Variants in CAST observed in about 807,000 individuals in gnomAD.
CAST encodes MIR583 host.
In CAST, 76 loss-of-function variants were observed where a neutral mutation model predicts 119.6. That is an observed-to-expected ratio of 0.64 (90% CI 0.53 to 0.77). CAST has a LOEUF of 0.77. Ranked by LOEUF, CAST falls within the 30% of genes least tolerant of loss-of-function variation. CAST has a pLI of 0.00. For synonymous variants in CAST, 319 were observed against 331.6 expected, an observed-to-expected ratio of 0.96 and a Z score of 0.41; for missense variants, 953 against 946.5, an observed-to-expected ratio of 1.01 and a Z score of -0.09.
chr5:96,290,065 C>A, the CAST span, among the ~76,000 whole-genome samples: 1 of 152,036 alleles, frequency 6.6e-6, no homozygotes, highest in Non-Finnish European at 1.5e-5. Context: ...TAATTTTTAT[C>A]AGAATACTTG....
chr5:96,487,668 T>C, the CAST span, among the ~76,000 whole-genome samples: 1 of 152,270 alleles, frequency 6.6e-6, no homozygotes, highest in East Asian at 1.9e-4. Context: ...GGCCTCTCCT[T>C]GTGACATTTC....
chr5:96,365,899 G>T, the CAST span, among the ~76,000 whole-genome samples: 1 of 152,184 alleles, frequency 6.6e-6, no homozygotes, highest in African/African-American at 2.4e-5. Flanking sequence ...TTGCTCATTA[G>T]TTGATGCAGT....
At chr5:96,369,787 G>A in the CAST span, among the ~76,000 whole-genome samples, 224 of 151,982 alleles carry the variant, frequency 1.5e-3, 3 homozygotes, top group African/African-American at 4.7e-3. Flanking sequence ...TCTTTATTCC[G>A]TTTTATTTTC....
chr5:96,332,726 A>G, the CAST span, among the ~76,000 whole-genome samples: 162 of 152,274 alleles, frequency 1.1e-3, no homozygotes, highest in African/African-American at 3.6e-3. Context: ...CTAACACTTC[A>G]AACTGCTGAC....
At chr5:96,087,335 A>G in the CAST span, among the ~76,000 whole-genome samples, 1 of 152,240 alleles carries the variant, frequency 6.6e-6, no homozygotes, top group Non-Finnish European at 1.5e-5. Flanking sequence ...CATTCCACCT[A>G]AAACTTGAAA....
At chr5:95,990,012 A>G in the CAST span, among the ~76,000 whole-genome samples, 1 of 152,184 alleles carries the variant, frequency 6.6e-6, no homozygotes, top group Non-Finnish European at 1.5e-5. Context: ...TTAGAATAAA[A>G]TTCCACTTCT....
chr5:96,554,069 G>A (rs902661230), intron 1 of CAST, among the ~76,000 whole-genome samples: 4 of 152,118 alleles, frequency 2.6e-5, no homozygotes, highest in South Asian at 2.1e-4. Flanking sequence ...AACTTCATAT[G>A]GAAACAAGAA....
chr5:96,723,167 G>A (rs986430302), intron 4 of CAST, among the ~76,000 whole-genome samples: 1 of 152,076 alleles, frequency 6.6e-6, no homozygotes, highest in Non-Finnish European at 1.5e-5. Context: ...GTCTCACTGT[G>A]TTGCCCAAGC....
At chr5:96,001,608 C>A in the CAST span, among the ~76,000 whole-genome samples, 1 of 152,208 alleles carries the variant, frequency 6.6e-6, no homozygotes, top group East Asian at 1.9e-4. Flanking sequence ...GTATCCAATT[C>A]TCTTTATTGT....
At chr5:96,432,926 G>C in the CAST span, 1 of 1,614,172 alleles carries the variant, frequency 6.2e-7, no homozygotes, top group Non-Finnish European at 8.5e-7. Context: ...GGCCCCCGGG[G>C]ATCTCCGCTG....
At chr5:96,551,379 G>A (rs1746123532) in intron 1 of CAST, among the ~76,000 whole-genome samples, 1 of 152,174 alleles carries the variant, frequency 6.6e-6, no homozygotes, top group African/African-American at 2.4e-5. Flanking sequence ...AGAGATTTTT[G>A]TCACCCCCAG....
At chr5:96,107,879 G>A in the CAST span, among the ~76,000 whole-genome samples, 2 of 152,082 alleles carry the variant, frequency 1.3e-5, no homozygotes, top group African/African-American at 4.8e-5. Flanking sequence ...CGTAGATTTG[G>A]TCTTTTCACA....
the CAST span, among the ~76,000 whole-genome samples, chr5:96,069,376 TGTGTG>T: frequency 1.9e-5 from 2 of 103,170 alleles, no homozygotes; most frequent in African/African-American, 7.3e-5. Flanking sequence ...TGTGTGTGTG[TGTGTG>T]TCTATGTGTG....
intron 1 of CAST, among the ~76,000 whole-genome samples, chr5:96,641,116 A>G (rs1002664743): frequency 3.3e-5 from 5 of 152,198 alleles, no homozygotes; most frequent in Admixed American, 1.3e-4. Context: ...TTGCCTTTAA[A>G]GGGGTCACCA....
At chr5:96,326,695 A>ATTTTTTTTTTTTTTTTTTTTTTTTTTTT in the CAST span, among the ~76,000 whole-genome samples, 7 of 95,736 alleles carry the variant, frequency 7.3e-5, no homozygotes, top group African/African-American at 8.1e-5. Flanking sequence ...ATGGCTTTTC[A>ATTTTTTTTTTTTTTTTTTTTTTTTTTTT]TTTTTTTTTT....
the CAST span, among the ~76,000 whole-genome samples, chr5:96,032,636 C>G: frequency 6.6e-6 from 1 of 151,998 alleles, no homozygotes; most frequent in Admixed American, 6.6e-5. Context: ...CACGAAATAC[C>G]ACTTTGCCAT....
the CAST span, among the ~76,000 whole-genome samples, chr5:96,309,702 G>A: frequency 6.6e-6 from 1 of 152,168 alleles, no homozygotes; most frequent in South Asian, 2.1e-4. Flanking sequence ...TTTGGGTAGG[G>A]GAGAGAATTC....
the CAST span, among the ~76,000 whole-genome samples, chr5:96,504,993 T>C: frequency 6.6e-6 from 1 of 152,232 alleles, no homozygotes; most frequent in Non-Finnish European, 1.5e-5. Flanking sequence ...CACATTTTGT[T>C]TATGCGTTCA....
upstream of CAST, among the ~76,000 whole-genome samples, chr5:96,522,251 T>C (rs530310571): frequency 1.3e-5 from 2 of 152,334 alleles, no homozygotes; most frequent in Admixed American, 1.3e-4. Context: ...CTCTTCTAAA[T>C]AAACACATTT....
Sources: allele counts gnomAD v4.1 joint callset (sites outside exome capture counted in the v4.1 genomes callset), GRCh38; gene constraint gnomAD v4.1.1; transcripts MANE v1.5; gene names NCBI Gene and HGNC (gene_info 2026-07-23, HGNC 2026-07-21).